The following ACTR3C variants were observed in gnomAD, a reference collection of about 807,000 sequenced individuals.
ACTR3C encodes the protein actin-related protein 3C.
ACTR3C carries 18 observed loss-of-function variants against 26.3 expected under a neutral mutation model. The ratio of observed to expected loss-of-function variants is 0.68; its 90% confidence interval spans 0.47 to 1.01. The LOEUF (loss-of-function observed/expected upper bound fraction) is 1.01, where lower values mean the gene tolerates loss of function less well. Ranked by LOEUF, ACTR3C falls within the 50% of genes least tolerant of loss-of-function variation. ACTR3C has a pLI of 0.00. For synonymous variants in ACTR3C, 55 were observed against 94.5 expected, an observed-to-expected ratio of 0.58 and a Z score of 2.42; for missense variants, 184 against 250.7, an observed-to-expected ratio of 0.73 and a Z score of 1.80.
At chr7:150,149,190 CTTGT>C in the ACTR3C span, among the ~76,000 whole-genome samples, 3 of 141,310 alleles carry the variant, frequency 2.1e-5, no homozygotes, top group African/African-American at 7.8e-5. Context: ...TATTTTTCTA[CTTGT>C]TTGTTCATCT....
chr7:150,010,987 G>A, the ACTR3C span, among the ~76,000 whole-genome samples: 2 of 146,670 alleles, frequency 1.4e-5, no homozygotes, highest in Admixed American at 6.9e-5. Flanking sequence ...AAACACACCT[G>A]CAGCCTCTAT....
At chr7:150,304,917 T>C (rs559403973) in intron 1 of ACTR3C, among the ~76,000 whole-genome samples, 1 of 152,260 alleles carries the variant, frequency 6.6e-6, no homozygotes, top group East Asian at 1.9e-4. Context: ...AGTGATACAA[T>C]GTCTGCCCGG....
the ACTR3C span, among the ~76,000 whole-genome samples, chr7:150,033,469 T>C: frequency 0.28 from 41,951 of 150,144 alleles, 4,713 homozygotes; most frequent in Non-Finnish European, 0.34. Context: ...GTCGGAAGAT[T>C]TGAACTTTCT....
chr7:150,213,194 T>G, the ACTR3C span, among the ~76,000 whole-genome samples: 27 of 152,256 alleles, frequency 1.8e-4, no homozygotes, highest in African/African-American at 6.3e-4. Flanking sequence ...AAAATTCCCT[T>G]CTTAGCAGGA....
At chr7:150,312,155 C>T (rs747103369) in intron 1 of ACTR3C, among the ~76,000 whole-genome samples, 1 of 152,226 alleles carries the variant, frequency 6.6e-6, no homozygotes, top group Non-Finnish European at 1.5e-5. Context: ...TTCCAGCCCC[C>T]ACTCCAGAAG....
chr7:150,034,964 C>G, the ACTR3C span, among the ~76,000 whole-genome samples: 1 of 142,076 alleles, frequency 7.0e-6, no homozygotes, highest in South Asian at 2.3e-4. Flanking sequence ...AACTCTCAGT[C>G]CCCACTCTCG....
chr7:149,893,794 G>A, the ACTR3C span, among the ~76,000 whole-genome samples: 3 of 152,170 alleles, frequency 2.0e-5, no homozygotes, highest in Admixed American at 2.0e-4. Flanking sequence ...GTACGACTCT[G>A]TAGCTATACA....
At chr7:150,228,264 C>T in the ACTR3C span, among the ~76,000 whole-genome samples, 10 of 151,962 alleles carry the variant, frequency 6.6e-5, no homozygotes, top group African/African-American at 9.7e-5. Context: ...TTGGTGATGC[C>T]GTAAGTGGTG....
At chr7:149,912,339 G>A in the ACTR3C span, among the ~76,000 whole-genome samples, 1 of 152,018 alleles carries the variant, frequency 6.6e-6, no homozygotes, top group Non-Finnish European at 1.5e-5. Flanking sequence ...ATATGACTCA[G>A]CGACAGCTGC....
At chr7:150,105,085 CTTT>C in the ACTR3C span, among the ~76,000 whole-genome samples, 5 of 138,566 alleles carry the variant, frequency 3.6e-5, no homozygotes, top group Admixed American at 7.2e-5. Flanking sequence ...TTCTTTTTTT[CTTT>C]TTTTTTTTTT....
the ACTR3C span, among the ~76,000 whole-genome samples, chr7:150,217,026 G>A: frequency 0.058 from 7,891 of 137,136 alleles, 551 homozygotes; most frequent in African/African-American, 0.2. Flanking sequence ...TATTTATAAA[G>A]CACATGCCTC....
chr7:150,063,533 T>A, the ACTR3C span, among the ~76,000 whole-genome samples: 66 of 151,566 alleles, frequency 4.4e-4, 1 homozygote, highest in Middle Eastern at 3.4e-3. Flanking sequence ...TCAAAGCTGC[T>A]CTTGTACAGT....
chr7:150,014,466 AAAAAAAAGAAAG>A, the ACTR3C span, among the ~76,000 whole-genome samples: 1 of 151,928 alleles, frequency 6.6e-6, no homozygotes, highest in African/African-American at 2.4e-5. Flanking sequence ...AAAAAAAAAA[AAAAAAAAGAAAG>A]AAAAAGAAAA....
At chr7:150,179,748 A>G in the ACTR3C span, among the ~76,000 whole-genome samples, 2 of 151,726 alleles carry the variant, frequency 1.3e-5, no homozygotes, top group African/African-American at 2.4e-5. Context: ...TGCTTGGCCT[A>G]CCAAAGTGCT....
At chr7:149,882,635 G>A in the ACTR3C span, among the ~76,000 whole-genome samples, 1 of 152,198 alleles carries the variant, frequency 6.6e-6, no homozygotes, top group Non-Finnish European at 1.5e-5. Flanking sequence ...CTCCAGGCCC[G>A]AGGTGGGAAC....
chr7:149,895,801 C>A, the ACTR3C span, among the ~76,000 whole-genome samples: 211 of 152,178 alleles, frequency 1.4e-3, no homozygotes, highest in Middle Eastern at 6.8e-3. Context: ...CCAGCCTGAG[C>A]AACAGAGTGA....
the ACTR3C span, among the ~76,000 whole-genome samples, chr7:150,119,503 GT>G: frequency 1.3e-5 from 2 of 152,144 alleles, no homozygotes; most frequent in Non-Finnish European, 2.9e-5. Flanking sequence ...TTACATAATG[GT>G]AAAGAGATCA....
At chr7:149,904,439 G>A in the ACTR3C span, among the ~76,000 whole-genome samples, 2 of 151,222 alleles carry the variant, frequency 1.3e-5, no homozygotes, top group Admixed American at 6.6e-5. Context: ...CTGAGGGCAG[G>A]AGAATCGCTT....
intron 1 of ACTR3C, among the ~76,000 whole-genome samples, chr7:150,313,870 A>G (rs1488828582): frequency 3.9e-5 from 6 of 152,230 alleles, no homozygotes; most frequent in African/African-American, 1.2e-4. Context: ...TGGAAAGCTA[A>G]AAACAACCTT....
Sources: gnomAD v4.1 joint callset for allele counts (sites outside exome capture counted in the v4.1 genomes callset) on GRCh38, gnomAD v4.1.1 for gene constraint, MANE v1.5 for transcripts, NCBI Gene and HGNC (gene_info 2026-07-23, HGNC 2026-07-21) for gene names.